NUP205: variants seen among roughly 807,000 people sequenced by gnomAD.
The protein encoded by NUP205 is nucleoporin 205, also known as nuclear pore complex protein Nup205.
NUP205 carries 76 observed loss-of-function variants against 253.8 expected under a neutral mutation model. The ratio of observed to expected loss-of-function variants is 0.30; its 90% confidence interval spans 0.25 to 0.36. The LOEUF is 0.36. Among genes scored for constraint, NUP205 ranks in the 10% least tolerant of loss-of-function variants. The pLI, the probability that NUP205 is intolerant of heterozygous loss-of-function variation, is 1.00. For missense variants in NUP205, 2,162 were observed against 2,425.5 expected (o/e 0.89, Z 2.28); for synonymous variants, 832 against 850.1 (o/e 0.98, Z 0.37).
In NUP205 at chr7:135,607,261, C is replaced by T. The variant is rs760597588; in HGVS notation, c.3085C>T (p.Pro1029Ser). 1.2e-6 allele frequency: 2 copies of T among 1,613,738 alleles called. No homozygotes were observed. Among genetic ancestry groups the T allele is most frequent in the East Asian group, 2.2e-5 (1 of 44,880 alleles). ...NLQDPGVLGC[P>S]RTCLHAILNI... is the part of the protein sequence containing the mutation. ...GTTTCATGCAGGAGTGTTAGGTTGC[C>T]CTCGGACATGCCTTCACGCCATTCT... Residue 1029 changes from proline to serine, a missense_variant, in exon 22 of 43, where the codon CCT (proline) becomes TCT (serine). Pro to Ser is a moderately conservative substitution (Grantham distance 74). Around this residue, in one of 5 missense-constraint regions of NUP205, gnomAD observed 1,144 missense variants for 1,280.9 expected, o/e 0.89. Coordinates refer to ENST00000285968, the MANE Select transcript of NUP205 (RefSeq NM_015135.3).
chr7:135,573,886 G>A, intron 3 of NUP205, 61 bp downstream of exon 3: 1 of 1,245,286 alleles, frequency 8.0e-7, no homozygotes. Context: ...ATCACTCATA[G>A]TTTAAAATAG....
At chr7:135,608,514 C>T (rs536617685) in intron 22 of NUP205, among the ~76,000 whole-genome samples, 1 of 151,702 alleles carries the variant, frequency 6.6e-6, no homozygotes, top group Non-Finnish European at 1.5e-5. Context: ...TGGAGACCAG[C>T]CGGGGAAACA....
Position 135,587,274 on chromosome 7 carries a change from A to G in NUP205, c.1219-301A>G, listed in dbSNP as rs570841748. ...TAAATGTCCTGGAATATTCAGGATA[A>G]TCCAACCCAGTGAAGAAACATTGTG... On this transcript the variant is annotated intron_variant, in intron 8 of 42. Transcript: ENST00000285968. 2.6e-5 allele frequency among the ~76,000 whole-genome samples: 4 copies of G among 152,304 alleles called. No individual in the cohort carries two copies. The South Asian group carries it at 8.3e-4, about 32-fold the overall frequency.
chr7:135,622,993 C>A, intron 31 of NUP205, 68 bp downstream of exon 31: 1 of 1,511,472 alleles, frequency 6.6e-7, no homozygotes, highest in Non-Finnish European at 9.1e-7. Context: ...TAAACTGATT[C>A]ACGGCTGGGT....
chr7:135,617,496 G>A, intron 26 of NUP205, 106 bp from the exon 27 acceptor site: 1 of 811,276 alleles, frequency 1.2e-6, no homozygotes, highest in Non-Finnish European at 2.0e-6. Flanking sequence ...ATATATAAAG[G>A]TATCTGACAC....
chr7:135,597,629 A>G, intron 14 of NUP205: 1 of 472,716 alleles, frequency 2.1e-6, no homozygotes, highest in Non-Finnish European at 3.7e-6. Flanking sequence ...AAAAGATGTT[A>G]CATGGCAACC....
chr7:135,590,033 G>C (rs957795730), intron 10 of NUP205, among the ~76,000 whole-genome samples: 1 of 151,148 alleles, frequency 6.6e-6, no homozygotes, highest in African/African-American at 2.4e-5. Flanking sequence ...TATAAGGAAT[G>C]CCCCACATTT....
At chr7:135,601,105 A>G in intron 16 of NUP205, 136 bp downstream of exon 16, 2 of 601,662 alleles carry the variant, frequency 3.3e-6, no homozygotes, top group Non-Finnish European at 5.6e-6. Context: ...TAATCATTTT[A>G]ATTTTTCTGT....
At chr7:135,564,856 C>T (rs1805704051) in intron 1 of NUP205, among the ~76,000 whole-genome samples, 1 of 151,342 alleles carries the variant, frequency 6.6e-6, no homozygotes, top group South Asian at 2.1e-4. Context: ...CAACCTCTGC[C>T]TCCAGGTTCA....
At chr7:135,560,284 C>T (rs1178967476) in intron 1 of NUP205, among the ~76,000 whole-genome samples, 1 of 152,218 alleles carries the variant, frequency 6.6e-6, no homozygotes, top group Non-Finnish European at 1.5e-5. Context: ...GCGTGAGCCA[C>T]TGTGCCTGGC....
chr7:135,636,429 G>T (rs1373076479), intron 36 of NUP205, among the ~76,000 whole-genome samples: 1 of 152,062 alleles, frequency 6.6e-6, no homozygotes, highest in Non-Finnish European at 1.5e-5. Context: ...TATACACATA[G>T]TACATCATTT....
chr7:135,645,036 A>G lies in NUP205; in HGVS notation c.5683+18A>G, dbSNP rs1198023847. The G allele has an allele frequency of 4.3e-6, 7 of 1,613,058 alleles. No homozygotes were observed. The African/African-American group carries it at 8.0e-5, about 18-fold the overall frequency. ...TTGTTCTTGTATCCTTTATGAAATC[A>G]TGCACTTGAATGATGACCTTGAAAT... On this transcript the variant is annotated intron_variant, in intron 40 of 42. Transcript: ENST00000285968.
At chr7:135,559,496 G>A (rs1584628481) in intron 1 of NUP205, among the ~76,000 whole-genome samples, 1 of 150,972 alleles carries the variant, frequency 6.6e-6, no homozygotes, top group Non-Finnish European at 1.5e-5. Flanking sequence ...TCAGCCTCCT[G>A]AGTAGCTGGG....
At chr7:135,621,882 A>C (rs1171323000) in intron 30 of NUP205, among the ~76,000 whole-genome samples, 2 of 152,038 alleles carry the variant, frequency 1.3e-5, no homozygotes, top group Non-Finnish European at 2.9e-5. Flanking sequence ...AGCTCACTGC[A>C]ACCTCCACCT....
intron 35 of NUP205, among the ~76,000 whole-genome samples, chr7:135,634,971 G>A (rs1027219356): frequency 2.0e-5 from 3 of 152,140 alleles, no homozygotes; most frequent in African/African-American, 7.2e-5. Flanking sequence ...GTTTAGGTGG[G>A]TATTCCTCAG....
At chr7:135,602,675 A>T in intron 17 of NUP205, 130 bp from the exon 18 acceptor site, 1 of 716,328 alleles carries the variant, frequency 1.4e-6, no homozygotes, top group South Asian at 1.9e-5. Context: ...TGCTGCTGAA[A>T]GTTGGAAACA....
chr7:135,611,400 T>G (rs1395190694), intron 22 of NUP205, among the ~76,000 whole-genome samples: 2 of 152,216 alleles, frequency 1.3e-5, no homozygotes, highest in Admixed American at 6.5e-5. Flanking sequence ...TGATTTTGTT[T>G]TGAGAAGTTC....
intron 1 of NUP205, among the ~76,000 whole-genome samples, chr7:135,568,738 A>G (rs1289390343): frequency 1.3e-5 from 2 of 151,812 alleles, no homozygotes; most frequent in Admixed American, 1.3e-4. Context: ...TGAAAGCACT[A>G]CTCCTACCTC....
At chr7:135,634,503 G>GGTAT (rs763494384) in intron 35 of NUP205, among the ~76,000 whole-genome samples, 116 of 152,236 alleles carry the variant, frequency 7.6e-4, no homozygotes, top group Non-Finnish European at 1.4e-3. Context: ...TGGGAAAGGA[G>GGTAT]GGCATAAGAA....
Sources: allele counts gnomAD v4.1 joint callset (sites outside exome capture counted in the v4.1 genomes callset), GRCh38; gene constraint gnomAD v4.1.1; regional missense constraint gnomAD v4.1.1; transcripts MANE v1.5; gene names NCBI Gene and HGNC (gene_info 2026-07-23, HGNC 2026-07-21).